The following CSMD1 variants were observed in gnomAD, a reference collection of about 807,000 sequenced individuals.
The protein encoded by CSMD1 is CUB and Sushi multiple domains 1.
CSMD1 carries 213 observed loss-of-function variants against 417.5 expected under a neutral mutation model. The observed-to-expected ratio is 0.51, with a 90% confidence interval of 0.46 to 0.57. The LOEUF (loss-of-function observed/expected upper bound fraction) is 0.57. CSMD1 is among the 20% of genes least tolerant of loss of function. The pLI, the probability that CSMD1 is intolerant of heterozygous loss-of-function variation, is 0.00. For synonymous variants in CSMD1, 2,862 were observed against 1,736.8 expected (o/e 1.65, Z -16.11); for missense variants, 6,923 against 4,529.7 (o/e 1.53, Z -15.17).
chr8:3,941,027 T>C (rs1250572375), intron 5 of CSMD1, among the ~76,000 whole-genome samples: 1 of 152,048 alleles, frequency 6.6e-6, no homozygotes, highest in East Asian at 1.9e-4. Context: ...CCATGCTACA[T>C]GTGATAATTC....
intron 10 of CSMD1, among the ~76,000 whole-genome samples, chr8:3,549,336 G>A (rs1346662478): frequency 6.6e-6 from 1 of 152,206 alleles, no homozygotes; most frequent in Non-Finnish European, 1.5e-5. Context: ...AAGCTCACCA[G>A]CTTCTGTTCT....
chr8:4,346,116 A>T (rs981387152), intron 3 of CSMD1, among the ~76,000 whole-genome samples: 21 of 152,296 alleles, frequency 1.4e-4, no homozygotes, highest in African/African-American at 4.8e-4. Flanking sequence ...AGCATTAGAA[A>T]GGACCTGGAG....
At chr8:4,418,072 C>G (rs756411250) in intron 3 of CSMD1, among the ~76,000 whole-genome samples, 1 of 151,938 alleles carries the variant, frequency 6.6e-6, no homozygotes, top group East Asian at 1.9e-4. Flanking sequence ...GATTTAAACA[C>G]ACACATACTA....
At chr8:3,439,983 TG>T (rs1814867632) in intron 12 of CSMD1, among the ~76,000 whole-genome samples, 1 of 152,190 alleles carries the variant, frequency 6.6e-6, no homozygotes, top group South Asian at 2.1e-4. Context: ...GGTTTATTCC[TG>T]GGCTTTCTAT....
At chr8:4,371,508 G>A (rs559545052) in intron 3 of CSMD1, among the ~76,000 whole-genome samples, 42 of 152,242 alleles carry the variant, frequency 2.8e-4, no homozygotes, top group African/African-American at 8.9e-4. Flanking sequence ...TTAGATATGG[G>A]ATATTCCCTT....
At chr8:4,357,238 C>G (rs893090716) in intron 3 of CSMD1, among the ~76,000 whole-genome samples, 2 of 152,132 alleles carry the variant, frequency 1.3e-5, no homozygotes, top group Non-Finnish European at 2.9e-5. Context: ...CTCTTACGTG[C>G]TAGAATTAGA....
At chr8:4,449,788 A>G (rs1006882) in intron 2 of CSMD1, among the ~76,000 whole-genome samples, 17,826 of 152,052 alleles carry the variant, frequency 0.12, 1,575 homozygotes, top group East Asian at 0.4. Context: ...ATGTTTGGGC[A>G]TTTTTACATA....
intron 12 of CSMD1, among the ~76,000 whole-genome samples, chr8:3,409,836 C>T (rs1004224034): frequency 4.6e-5 from 7 of 152,292 alleles, no homozygotes; most frequent in African/African-American, 1.7e-4. Context: ...TTAAGGGATA[C>T]ACGTGGCTAC....
At chr8:4,807,360 G>T (rs1433004646) in intron 1 of CSMD1, among the ~76,000 whole-genome samples, 2 of 152,152 alleles carry the variant, frequency 1.3e-5, no homozygotes, top group African/African-American at 4.8e-5. Context: ...ATTCAGGGCA[G>T]TACTCTCCTG....
intron 1 of CSMD1, chr8:4,787,959 T>C: frequency 6.3e-7 from 1 of 1,595,720 alleles, no homozygotes; most frequent in Non-Finnish European, 8.6e-7. Flanking sequence ...CTGGAGACTC[T>C]GGCCATCAGG....
intron 52 of CSMD1, among the ~76,000 whole-genome samples, chr8:3,010,906 GT>G (rs1392864329): frequency 6.6e-6 from 1 of 151,984 alleles, no homozygotes; most frequent in Non-Finnish European, 1.5e-5. Flanking sequence ...ATTATGTCCA[GT>G]AGTAGAGATG....
At chr8:3,791,256 C>A (rs903887566) in intron 5 of CSMD1, among the ~76,000 whole-genome samples, 3 of 152,120 alleles carry the variant, frequency 2.0e-5, no homozygotes, top group Non-Finnish European at 2.9e-5. Context: ...ATAATTATAT[C>A]CAAAGCATGT....
At chr8:3,365,798 G>A (rs928633697) in intron 20 of CSMD1, among the ~76,000 whole-genome samples, 1 of 152,146 alleles carries the variant, frequency 6.6e-6, no homozygotes, top group African/African-American at 2.4e-5. Context: ...TTGTATTATT[G>A]AACTACAGTT....
intron 24 of CSMD1, among the ~76,000 whole-genome samples, chr8:3,308,050 T>C (rs1805020147): frequency 7.0e-6 from 1 of 143,796 alleles, no homozygotes; most frequent in Non-Finnish European, 1.5e-5. Context: ...AATAAGACAC[T>C]CATGTGATAA....
intron 5 of CSMD1, among the ~76,000 whole-genome samples, chr8:3,775,001 C>T (rs1024613842): frequency 1.3e-4 from 20 of 152,082 alleles, no homozygotes; most frequent in South Asian, 8.3e-4. Flanking sequence ...TTCCCACTCC[C>T]GGCAGGACCA....
chr8:4,829,354 C>A (rs1800009260), intron 1 of CSMD1, among the ~76,000 whole-genome samples: 1 of 152,138 alleles, frequency 6.6e-6, no homozygotes, highest in Admixed American at 6.6e-5. Context: ...CGTGTCTATA[C>A]TGGGCAACAC....
intron 1 of CSMD1, among the ~76,000 whole-genome samples, chr8:4,658,955 G>C (rs1804413106): frequency 6.6e-6 from 1 of 152,070 alleles, no homozygotes; most frequent in Non-Finnish European, 1.5e-5. Flanking sequence ...TTTAGGATGT[G>C]AATTGTAATG....
chr8:3,896,101 C>A (rs1342069749), intron 5 of CSMD1, among the ~76,000 whole-genome samples: 1 of 152,142 alleles, frequency 6.6e-6, no homozygotes, highest in Admixed American at 6.6e-5. Flanking sequence ...TGGTAACTTC[C>A]TGATGGGCCC....
At chr8:3,595,498 C>G (rs950001182) in intron 8 of CSMD1, among the ~76,000 whole-genome samples, 8 of 152,100 alleles carry the variant, frequency 5.3e-5, no homozygotes, top group Non-Finnish European at 1.0e-4. Flanking sequence ...ACTCTCTAGC[C>G]TGAGGAAAGA....
Sources: gnomAD v4.1 joint callset for allele counts (sites outside exome capture counted in the v4.1 genomes callset) on GRCh38, gnomAD v4.1.1 for gene constraint, MANE v1.5 for transcripts, NCBI Gene and HGNC (gene_info 2026-07-23, HGNC 2026-07-21) for gene names.